The following TTLL12 variants were observed in gnomAD, a reference collection of about 807,000 sequenced individuals.
TTLL12 encodes tubulin--tyrosine ligase-like protein 12.
Under a neutral mutation model 79.6 loss-of-function variants are expected in TTLL12, and 77 were observed. The observed-to-expected ratio is 0.97, with a 90% CI of 0.81 to 1.17. TTLL12 has a LOEUF of 1.17. TTLL12 is among the 50% of genes most tolerant of loss of function. The pLI is 0.00. For synonymous variants in TTLL12, 437 were observed against 376.1 expected, an observed-to-expected ratio of 1.16 and a Z score of -1.87; for missense variants, 969 against 895.9, an observed-to-expected ratio of 1.08 and a Z score of -1.04.
intron 12 of TTLL12, 61 bp from the exon 13 acceptor site, chr22:43,168,973 T>C (rs1261305235): frequency 1.3e-6 from 2 of 1,526,212 alleles, no homozygotes; most frequent in East Asian, 4.7e-5. Flanking sequence ...AGAGGGGGTC[T>C]GCTGCCCCTG....
chr22:43,170,436 G>C (rs1931735085), intron 11 of TTLL12, among the ~76,000 whole-genome samples: 1 of 152,196 alleles, frequency 6.6e-6, no homozygotes, highest in Admixed American at 6.5e-5. Flanking sequence ...TCGGACATGG[G>C]CATGGCCAGG....
chr22:43,172,912 G>A (rs1931803674), intron 9 of TTLL12, among the ~76,000 whole-genome samples: 1 of 152,118 alleles, frequency 6.6e-6, no homozygotes, highest in Admixed American at 6.5e-5. Flanking sequence ...TGGCCAGGCT[G>A]GTTTCGAACT....
intron 11 of TTLL12, 129 bp downstream of exon 11, chr22:43,171,690 A>G: frequency 2.9e-6 from 2 of 683,582 alleles, no homozygotes; most frequent in Non-Finnish European, 5.0e-6. Flanking sequence ...CTTCCATAGC[A>G]GGAACTCAGG....
At position 43,167,513 on chromosome 22, in the gene TTLL12, C is replaced by A. The variant is rs896512510; in HGVS notation, c.*495G>T. The A allele has an allele frequency of 5.2e-5, 11 of 210,988 alleles. No individual in the cohort carries two copies. The highest frequency in any genetic ancestry group is 2.6e-4 in the African/African-American group (11 of 42,956). 13.1% of individuals were successfully genotyped at this position (210,988 alleles called of 1,614,324 possible). A position where few individuals can be genotyped will look rare whatever the true frequency, so the allele number is the denominator to read the frequency against. On this transcript the variant is annotated 3_prime_UTR_variant, in exon 14 of 14. Coordinates refer to ENST00000216129, the MANE Select transcript of TTLL12 (RefSeq NM_015140.4). ...GTGCAGTGTGGGGCCCCACAGCCGTCCCGGGGTCGTCCTGATGCATAAGAG... is the reference window on the plus strand; with the variant it reads ...GTGCAGTGTGGGGCCCCACAGCCGTACCGGGGTCGTCCTGATGCATAAGAG...
intron 13 of TTLL12, 64 bp from the exon 14 acceptor site, chr22:43,168,223 C>T (rs530594532): frequency 1.9e-6 from 3 of 1,572,908 alleles, no homozygotes; most frequent in Admixed American, 1.8e-5. Context: ...GGGACAGTGG[C>T]CTGGGGATCC....
rs116662001 is a variant in TTLL12, at chr22:43,171,619, G to T, written c.1575+200C>A. 784 of 551,400 alleles carry T rather than the reference G, an allele frequency of 1.4e-3. 7 individuals are homozygous for T. Among genetic ancestry groups the T allele is most frequent in the African/African-American group, 0.013 (702 of 53,024 alleles). The allele number at this position is 551,400 out of a possible 1,614,324, so 34.2% of individuals were successfully genotyped here. On this transcript the variant is annotated intron_variant, in intron 11 of 13. Transcript: ENST00000216129. Reference sequence around the variant, plus strand: ...AGCCAGTGGCCCTCTGTGCCGTGGGGAGACCTACCTGAGACAACACAGAAC... The same window carrying T: ...AGCCAGTGGCCCTCTGTGCCGTGGGTAGACCTACCTGAGACAACACAGAAC...
At chr22:43,170,253 A>G in intron 11 of TTLL12, 1 of 284,144 alleles carries the variant, frequency 3.5e-6, no homozygotes, top group South Asian at 3.4e-5. Flanking sequence ...GCGACTTCCA[A>G]CAATGTCCTG....
chr22:43,184,720 G>A (rs781210851), intron 1 of TTLL12, among the ~76,000 whole-genome samples: 3 of 152,178 alleles, frequency 2.0e-5, no homozygotes, highest in Non-Finnish European at 2.9e-5. Flanking sequence ...TCGGGCTTCC[G>A]CCCCAGTACT....
chr22:43,172,220 G>C (rs1306270440), intron 10 of TTLL12, among the ~76,000 whole-genome samples, 183 bp downstream of exon 10: 1 of 152,234 alleles, frequency 6.6e-6, no homozygotes. Flanking sequence ...TCTGAGGTGG[G>C]CAGGGCAAGT....
chr22:43,177,400 C>G (rs1931943715), intron 5 of TTLL12, among the ~76,000 whole-genome samples: 1 of 151,998 alleles, frequency 6.6e-6, no homozygotes, highest in African/African-American at 2.4e-5. Flanking sequence ...AAGATTAAAA[C>G]ATGCCTACAA....
chr22:43,186,941 C>A lies in TTLL12; in HGVS notation c.129G>T (p.Gly43=). ...ALHGPALRAS[G]VPERYWGRLL... is the part of the protein sequence containing the mutation. ...GGCGGCCCCAGTAACGTTCGGGGACCCCCGAAGCGCGCAGCGCCGGGCCGT... is the reference window on the plus strand; with the variant it reads ...GGCGGCCCCAGTAACGTTCGGGGACACCCGAAGCGCGCAGCGCCGGGCCGT... The change falls in exon 1 of 14, where the codon GGG becomes GGT. Residue 43 remains glycine, a synonymous_variant. Transcript: ENST00000216129. 1.5e-6 allele frequency: 2 copies of A among 1,366,988 alleles called. No homozygotes were observed. The highest frequency in any genetic ancestry group is 9.5e-7 in the Non-Finnish European group (1 of 1,057,032). 84.7% of individuals were successfully genotyped at this position (1,366,988 alleles called of 1,614,324 possible). A position where few individuals can be genotyped will look rare whatever the true frequency, so the allele number is the denominator to read the frequency against.
chr22:43,169,668 T>A (rs2147065960), intron 11 of TTLL12, 100 bp from the exon 12 acceptor site: 2 of 1,335,486 alleles, frequency 1.5e-6, no homozygotes, highest in East Asian at 4.9e-5. Context: ...TGACACTGGG[T>A]GGGGGTTCCA....
chr22:43,168,774 C>T lies in TTLL12; in HGVS notation c.1783G>A (p.Gly595Arg). 2 of 1,555,772 alleles carry T rather than the reference C, an allele frequency of 1.3e-6. No individual in the cohort carries two copies. The highest frequency in any genetic ancestry group is 1.7e-6 in the Non-Finnish European group (2 of 1,150,302). Residue 595 changes from glycine (G) to arginine (R), a missense_variant and splice_region_variant, in exon 13 of 14, where the codon GGA becomes AGA. Transcript: ENST00000216129. Reference sequence around the variant, plus strand: ...TCAGGAGATGGGGAGCCCCTCTTACCATCTGGGCCGTTGTCCCACTTCAGC... The same window carrying T: ...TCAGGAGATGGGGAGCCCCTCTTACTATCTGGGCCGTTGTCCCACTTCAGC... ...LMLKWDNGPDGRRVMQPQILE... is the reference protein window; with the variant it reads ...LMLKWDNGPDRRRVMQPQILE...
At chr22:43,186,295 T>C (rs1053140621) in intron 1 of TTLL12, among the ~76,000 whole-genome samples, 1 of 147,888 alleles carries the variant, frequency 6.8e-6, no homozygotes, top group African/African-American at 2.5e-5. Context: ...CGCTTTGGAG[T>C]GGAGGAGGCA....
At chr22:43,180,062 G>A (rs1237013779) in intron 3 of TTLL12, 62 bp from the exon 4 acceptor site, 9 of 1,511,724 alleles carry the variant, frequency 6.0e-6, no homozygotes, top group East Asian at 2.3e-5. Flanking sequence ...ACTCCCTTCC[G>A]GAACCCAGAC....
Position 43,174,422 on chromosome 22 carries a change from T to TGC in TTLL12, c.1035-21_1035-20dup. 6.4e-7 allele frequency: 1 copy of TGC among 1,559,020 alleles called. No homozygotes were observed. ...GAGTTTCCTGCAGGGCGGAGGCAGG[T>TGC]GCGCCAGCTCAAGGGGAGGCCGGCA... On this transcript the variant is annotated intron_variant, in intron 7 of 13. Coordinates refer to ENST00000216129, the MANE Select transcript of TTLL12 (RefSeq NM_015140.4).
At chr22:43,175,539 G>T in intron 6 of TTLL12, 1 of 152,284 alleles carries the variant, frequency 6.6e-6, no homozygotes, top group East Asian at 1.9e-4. Context: ...TTGGTAACAG[G>T]ACCCCTTGGT....
intron 12 of TTLL12, 109 bp downstream of exon 12, chr22:43,169,391 A>C: frequency 1.0e-6 from 1 of 971,462 alleles, no homozygotes; most frequent in Non-Finnish European, 1.5e-6. Flanking sequence ...GCAGGGGACA[A>C]AGGTCCCTCC....
At chr22:43,177,913 G>A (rs1931955566) in intron 5 of TTLL12, among the ~76,000 whole-genome samples, 1 of 152,236 alleles carries the variant, frequency 6.6e-6, no homozygotes, top group Admixed American at 6.5e-5. Context: ...TGGGCCCAGA[G>A]CACAGACCTG....
Sources: gnomAD v4.1 joint callset for allele counts (sites outside exome capture counted in the v4.1 genomes callset) on GRCh38, gnomAD v4.1.1 for gene constraint, MANE v1.5 for transcripts, NCBI Gene and HGNC (gene_info 2026-07-23, HGNC 2026-07-21) for gene names.